Variants in SHANK2 observed in about 807,000 individuals in gnomAD.
SHANK2 encodes the protein SH3 and multiple ankyrin repeat domains 2, also known as SH3 and multiple ankyrin repeat domains protein 2.
SHANK2 carries 43 observed loss-of-function variants against 133.7 expected under a neutral mutation model. The ratio of observed to expected loss-of-function variants is 0.32; its 90% CI spans 0.25 to 0.41. The LOEUF is 0.41. Ranked by LOEUF, SHANK2 falls within the 10% of genes least tolerant of loss-of-function variation. The pLI, the probability that SHANK2 is intolerant of heterozygous loss-of-function variation, is 1.00. For missense variants in SHANK2, 1,994 were observed against 2,235.8 expected, an observed-to-expected ratio of 0.89 and a Z score of 2.18; for synonymous variants, 1,017 against 952.8, an observed-to-expected ratio of 1.07 and a Z score of -1.24.
chr11:70,859,937 C>G (rs1590766347), intron 11 of SHANK2, among the ~76,000 whole-genome samples: 1 of 152,292 alleles, frequency 6.6e-6, no homozygotes, highest in South Asian at 2.1e-4. Flanking sequence ...TGGGATTGAT[C>G]AATGGGATGC....
At chr11:70,765,931 G>A (rs1379681167) in intron 14 of SHANK2, among the ~76,000 whole-genome samples, 12 of 151,596 alleles carry the variant, frequency 7.9e-5, no homozygotes, top group Non-Finnish European at 1.3e-4. Context: ...CCTTGGAAAC[G>A]GGAAGAAAGC....
chr11:70,936,961 C>G (rs1399167404), intron 10 of SHANK2, among the ~76,000 whole-genome samples: 1 of 152,238 alleles, frequency 6.6e-6, no homozygotes, highest in Non-Finnish European at 1.5e-5. Flanking sequence ...ACCTTCCTTT[C>G]CCTCCCTGAG....
At position 71,252,048 on chromosome 11, in the gene SHANK2, C is replaced by T. The variant is rs1234951644; in HGVS notation, c.-113+377G>A. ...GGAGAGCGGGGGAGGTCGCGCCACA[C>T]GCGCTGTTCCAGAGGAAGGGGCAGG... is the stretch of plus-strand genomic sequence containing the variant. On this transcript the variant is annotated intron_variant, in intron 1 of 25. Transcript: ENST00000601538. This position sits in a 1 kb window ranked among gnomAD's most constrained non-coding sequence, Gnocchi z 6.3. Among the ~76,000 whole-genome samples the T allele has an allele frequency of 3.9e-5, 6 of 152,132 alleles. No individual in the cohort carries two copies. Among genetic ancestry groups the T allele is most frequent in the Non-Finnish European group, 8.8e-5 (6 of 68,016 alleles).
At chr11:70,779,299 T>C (rs1947433326) in intron 14 of SHANK2, among the ~76,000 whole-genome samples, 1 of 150,734 alleles carries the variant, frequency 6.6e-6, no homozygotes. Flanking sequence ...TCTGCCACGG[T>C]TGTTTAACAA....
intron 17 of SHANK2, among the ~76,000 whole-genome samples, chr11:70,618,110 A>G (rs138092447): frequency 0.019 from 2,963 of 152,198 alleles, 47 homozygotes; most frequent in Non-Finnish European, 0.031. Flanking sequence ...CAGCCTGGCA[A>G]CATGGTGAAA....
chr11:70,561,720 A>AG (rs34118874), intron 17 of SHANK2, among the ~76,000 whole-genome samples: 142,166 of 151,420 alleles, frequency 0.94, 66,946 homozygotes, highest in South Asian at 0.98. Flanking sequence ...TAGAGATGGC[A>AG]GGGGGGGTCT....
chr11:70,509,536 G>T (rs1383164178), intron 17 of SHANK2, among the ~76,000 whole-genome samples: 1 of 152,228 alleles, frequency 6.6e-6, no homozygotes, highest in African/African-American at 2.4e-5. Context: ...CAGCATTGGT[G>T]TAGCCTTCGG....
intron 17 of SHANK2, among the ~76,000 whole-genome samples, chr11:70,544,185 A>T (rs1326827846): frequency 1.3e-5 from 2 of 152,010 alleles, no homozygotes; most frequent in Non-Finnish European, 2.9e-5. Context: ...GCCCAGTTCA[A>T]ATCTCCACTC....
chr11:70,546,644 G>A (rs1198542290), intron 17 of SHANK2, among the ~76,000 whole-genome samples: 1 of 152,146 alleles, frequency 6.6e-6, no homozygotes, highest in Non-Finnish European at 1.5e-5. Context: ...TCCCCCTGCC[G>A]ACTGGGCTGG....
chr11:70,500,590 G>C lies in SHANK2; in HGVS notation c.2288C>G (p.Ala763Gly). The C allele has an allele frequency of 1.2e-6, 2 of 1,602,460 alleles. No individual in the cohort carries two copies. The highest frequency in any genetic ancestry group is 1.1e-5 in the South Asian group (1 of 88,774). ...CTTACCCTTCTTCTTCCGGACCGAG[G>C]CTTGCAAACAGAAAGGGGACCGCCA... is the stretch of plus-strand genomic sequence containing the variant. The part of the protein sequence containing the change: ...TSELEELVDK[A>G]SVRKKKDKPE... Residue 763 changes from alanine (A) to glycine (G), a missense_variant and splice_region_variant, in exon 21 of 26, where the codon GCC (alanine) becomes GGC (glycine). Coordinates refer to ENST00000601538, the MANE Select transcript of SHANK2 (RefSeq NM_012309.5). The surrounding 1 kb of genome is among the most constrained non-coding windows in gnomAD (Gnocchi z 4.5).
At chr11:70,674,546 G>GTA (rs1305740135) in intron 15 of SHANK2, among the ~76,000 whole-genome samples, 1 of 152,196 alleles carries the variant, frequency 6.6e-6, no homozygotes, top group Non-Finnish European at 1.5e-5. Flanking sequence ...ACGGGGTTTT[G>GTA]CCATGTTGGC....
chr11:71,251,162 C>T (rs974768891), intron 1 of SHANK2, among the ~76,000 whole-genome samples: 4 of 152,048 alleles, frequency 2.6e-5, no homozygotes, highest in Non-Finnish European at 4.4e-5. Context: ...CCCCGAGCCC[C>T]TTTAAAAGAT....
At position 70,599,905 on chromosome 11, in the gene SHANK2, G is replaced by GAGAAAGAA. The variant is rs201394941; in HGVS notation, c.2061+59915_2061+59922dup. On this transcript the variant is annotated intron_variant, in intron 17 of 25. Coordinates refer to ENST00000601538, the MANE Select transcript of SHANK2 (RefSeq NM_012309.5). ...AAAGAAAGAAAAAGAAAGAAAGAAA[G>GAGAAAGAA]AGAAAGAAAGAAAGAAAGAAAGAAA... Among the ~76,000 whole-genome samples, 246 of 73,500 alleles carry GAGAAAGAA rather than the reference G, an allele frequency of 3.3e-3. 1 individual carries two copies. Among genetic ancestry groups the GAGAAAGAA allele is most frequent in the East Asian group, 7.7e-3 (14 of 1,816 alleles). 48.2% of individuals were successfully genotyped at this position (73,500 alleles called of 152,430 possible).
chr11:70,497,660 G>A (rs577028055), intron 21 of SHANK2, among the ~76,000 whole-genome samples: 4 of 152,340 alleles, frequency 2.6e-5, no homozygotes, highest in South Asian at 2.1e-4. Flanking sequence ...TCTGGACCAC[G>A]GGCTGACTTC....
chr11:70,670,327 C>A (rs572753809), intron 15 of SHANK2, among the ~76,000 whole-genome samples: 36 of 152,236 alleles, frequency 2.4e-4, no homozygotes, highest in Non-Finnish European at 3.5e-4. Context: ...CTAGAAATTT[C>A]CGGGCTCTGC....
At chr11:70,587,827 C>T (rs1403178076) in intron 17 of SHANK2, among the ~76,000 whole-genome samples, 1 of 151,986 alleles carries the variant, frequency 6.6e-6, no homozygotes, top group Non-Finnish European at 1.5e-5. Context: ...ACCTTGGCCT[C>T]CCCAAGTGCT....
At chr11:70,556,422 T>G (rs1554979607) in intron 17 of SHANK2, among the ~76,000 whole-genome samples, 1 of 146,400 alleles carries the variant, frequency 6.8e-6, no homozygotes, top group African/African-American at 2.6e-5. Context: ...TCTCTCTCTC[T>G]AGCTTTCCTT....
At chr11:70,700,822 C>T (rs1945503214) in intron 14 of SHANK2, among the ~76,000 whole-genome samples, 1 of 152,176 alleles carries the variant, frequency 6.6e-6, no homozygotes, top group Non-Finnish European at 1.5e-5. Flanking sequence ...GGATGAGGGG[C>T]CCAGCACGTG....
intron 10 of SHANK2, among the ~76,000 whole-genome samples, chr11:70,920,559 A>G (rs4495913): frequency 0.97 from 147,697 of 152,358 alleles, 71,760 homozygotes; most frequent in East Asian, 1. Context: ...AAGTCATTAA[A>G]AATCAAAAAT....
Sources: gnomAD v4.1 joint callset for allele counts (sites outside exome capture counted in the v4.1 genomes callset) on GRCh38, gnomAD v4.1.1 for gene constraint, Gnocchi (gnomAD v3.1) non-coding constraint, MANE v1.5 for transcripts, NCBI Gene and HGNC (gene_info 2026-07-23, HGNC 2026-07-21) for gene names.